ARHGAP33: variants seen among roughly 807,000 people sequenced by gnomAD.
ARHGAP33 encodes rho GTPase-activating protein 33.
Under a neutral mutation model 126.2 loss-of-function variants are expected in ARHGAP33, and 57 were observed. The observed-to-expected ratio is 0.45, with a 90% CI of 0.36 to 0.56. The LOEUF (loss-of-function observed/expected upper bound fraction) is 0.56, where lower values mean the gene tolerates loss of function less well. Among genes scored for constraint, ARHGAP33 ranks in the 20% least tolerant of loss-of-function variants. The pLI is 0.00. For synonymous variants in ARHGAP33, 711 were observed against 755.0 expected (o/e 0.94, Z 0.95); for missense variants, 1,500 against 1,748.3 (o/e 0.86, Z 2.53).
rs1972060042 is a variant in ARHGAP33 at position 35,785,393 on chromosome 19, T to C, written c.1868-16T>C. The C allele has an allele frequency of 6.2e-7, 1 of 1,613,936 alleles. No individual in the cohort carries two copies. Among genetic ancestry groups the C allele is most frequent in the Non-Finnish European group, 8.5e-7 (1 of 1,179,964 alleles). ...ATGGTCGCTGGAGTGCCCTCCTACCTCTCCCTCTCCTGCAGGCAGCAGACC... is the reference window on the plus strand; with the variant it reads ...ATGGTCGCTGGAGTGCCCTCCTACCCCTCCCTCTCCTGCAGGCAGCAGACC... On this transcript the variant is annotated splice_polypyrimidine_tract_variant and intron_variant, in intron 18 of 20. Transcript: ENST00000007510.
chr19:35,786,545 C>G lies in ARHGAP33; in HGVS notation c.2075C>G (p.Ser692Cys). The G allele has an allele frequency of 2.0e-6, 3 of 1,536,104 alleles. No individual in the cohort carries two copies. Among genetic ancestry groups the G allele is most frequent in the Non-Finnish European group, 1.7e-6 (2 of 1,146,826 alleles). The change falls in exon 20 of 21, where the codon TCC becomes TGC. Residue 692 changes from serine (S) to cysteine (C), a missense_variant. Ser to Cys is a moderately radical substitution (Grantham distance 112, BLOSUM62 -1). This residue lies in a region of ARHGAP33 where 300 missense variants were observed against 291.1 expected (regional missense o/e 1.03). Transcript: ENST00000007510. This position sits in a 1 kb window ranked among gnomAD's most constrained non-coding sequence, Gnocchi z 7.0. ...TCCGAGTCCTCCTCCTCTGAGTCCT[C>G]CTCTTCCTCCTCTGAGTCCTCAGCA... The part of the protein sequence containing the change: ...SSSESSSSES[S>C]SSSSESSAAG...
rs1337583343 is a variant in ARHGAP33, at chr19:35,788,287, C to A, written c.3722C>A (p.Ala1241Asp). The A allele has an allele frequency of 6.2e-7, 1 of 1,609,200 alleles. No homozygotes were observed. The highest frequency in any genetic ancestry group is 8.5e-7 in the Non-Finnish European group (1 of 1,178,668). The part of the protein sequence containing the change: ...PLLLYRAAPP[A>D]YGRGGELHRG... ...CTGCTCTACAGGGCAGCCCCGCCAG[C>A]CTACGGAAGGGGGGGCGAGCTCCAC... Residue 1241 changes from alanine (A) to aspartate (D), a missense_variant, in exon 21 of 21, where the codon GCC (alanine) becomes GAC (aspartate). This residue lies in a region of ARHGAP33 where 642 missense variants were observed against 634.0 expected (regional missense o/e 1.01). Coordinates refer to ENST00000007510, the MANE Select transcript of ARHGAP33 (RefSeq NM_001366178.1).
At position 35,786,982 on chromosome 19, in the gene ARHGAP33, C is replaced by A. The variant is rs1325874516; in HGVS notation, c.2512C>A (p.Pro838Thr). 1.2e-6 allele frequency: 2 copies of A among 1,610,652 alleles called. No homozygotes were observed. The highest frequency in any genetic ancestry group is 1.7e-6 in the Non-Finnish European group (2 of 1,179,094). ...CCGGAGCCTGCGCCCCCATCTCATA[C>A]CCCTGCTGCTGCGAGGAGCCGAGGC... Reference protein sequence around the residue: ...PGRSLRPHLIPLLLRGAEAPL... With the variant: ...PGRSLRPHLITLLLRGAEAPL... The change falls in exon 20 of 21, where the codon CCC (proline) becomes ACC (threonine). Residue 838 changes from proline to threonine, a missense_variant. Physicochemically the swap from Pro to Thr is conservative, Grantham distance 38 (BLOSUM62 -1). Around this residue, in one of 6 missense-constraint regions of ARHGAP33, gnomAD observed 642 missense variants for 634.0 expected, o/e 1.01. Coordinates refer to ENST00000007510, the MANE Select transcript of ARHGAP33 (RefSeq NM_001366178.1). The surrounding 1 kb of genome is among the most constrained non-coding windows in gnomAD (Gnocchi z 7.0).
intron 5 of ARHGAP33, 101 bp from the exon 6 acceptor site, chr19:35,778,931 C>A (rs1289303104): frequency 2.0e-6 from 2 of 992,114 alleles, no homozygotes; most frequent in Admixed American, 2.1e-5. Context: ...CCCATGTGTT[C>A]AGGATGAACT....
intron 1 of ARHGAP33, among the ~76,000 whole-genome samples, chr19:35,776,299 C>T (rs1175877567): frequency 6.6e-6 from 1 of 151,970 alleles, no homozygotes; most frequent in Non-Finnish European, 1.5e-5. Flanking sequence ...TCTCCTTGTC[C>T]TCATCCCCCT....
Position 35,788,312 on chromosome 19 carries a change from C to T in ARHGAP33, c.3747C>T (p.His1249=), listed in dbSNP as rs372314989. 3.0e-5 allele frequency: 49 copies of T among 1,608,910 alleles called. No homozygotes were observed. The highest frequency in any genetic ancestry group is 4.1e-5 in the Non-Finnish European group (48 of 1,178,574). The change falls in exon 21 of 21, where the codon CAC becomes CAT. Residue 1249 remains histidine, a synonymous_variant. Transcript: ENST00000007510. ...PPAYGRGGEL[H]RGSLYRNGGQ... is the part of the protein sequence containing the mutation. Reference sequence around the variant, plus strand: ...CCTACGGAAGGGGGGGCGAGCTCCACCGAGGGTCCTTGTACAGAAATGGAG... The same window carrying T: ...CCTACGGAAGGGGGGGCGAGCTCCATCGAGGGTCCTTGTACAGAAATGGAG...
In ARHGAP33 at chr19:35,782,583, G is replaced by T. The variant is rs1455754095; in HGVS notation, c.1231-14G>T. 4.3e-6 allele frequency: 7 copies of T among 1,613,728 alleles called. 1 individual carries two copies. The South Asian group carries it at 7.7e-5, about 18-fold the overall frequency. On this transcript the variant is annotated splice_polypyrimidine_tract_variant and intron_variant, in intron 13 of 20. Transcript: ENST00000007510. The surrounding 1 kb of genome is among the most constrained non-coding windows in gnomAD (Gnocchi z 4.1). ...CTCTGGCCCAGACCTCATCACACCT[G>T]CCCACCATCTCAGGAGGCCATGTCA...
In ARHGAP33 at chr19:35,784,268, G is replaced by A. The variant is rs753954597; in HGVS notation, c.1518G>A (p.Val506=). Residue 506 remains valine (V), a synonymous_variant, in exon 16 of 21, where the codon GTG becomes GTA. Transcript: ENST00000007510. ...SVVVEFLLTH[V]DVLFSDTFTS... is the part of the protein sequence containing the mutation. ...TGGTGGAGTTTCTGCTCACCCATGTGGACGTCCTGTTCAGCGACACCTTCA... is the reference window on the plus strand; with the variant it reads ...TGGTGGAGTTTCTGCTCACCCATGTAGACGTCCTGTTCAGCGACACCTTCA... 6.2e-7 allele frequency: 1 copy of A among 1,610,728 alleles called. No individual in the cohort carries two copies. The highest frequency in any genetic ancestry group is 1.3e-5 in the African/African-American group (1 of 74,678).
rs150394522 is a variant in ARHGAP33, at chr19:35,787,380, G to A, written c.2815G>A (p.Val939Met). Residue 939 changes from valine to methionine, a missense_variant, in exon 21 of 21, where the codon GTG becomes ATG. Physicochemically the swap from Val to Met is conservative, Grantham distance 21 (BLOSUM62 1). Around this residue, in one of 6 missense-constraint regions of ARHGAP33, gnomAD observed 642 missense variants for 634.0 expected, o/e 1.01. Coordinates refer to ENST00000007510, the MANE Select transcript of ARHGAP33 (RefSeq NM_001366178.1). ...SPFHRSLSLEVGGEPLGTSGS... is the reference protein window; with the variant it reads ...SPFHRSLSLEMGGEPLGTSGS... ...CTTCCACCGCTCGCTGTCTCTGGAGGTGGGCGGGGAGCCCCTGGGGACCTC... is the reference window on the plus strand; with the variant it reads ...CTTCCACCGCTCGCTGTCTCTGGAGATGGGCGGGGAGCCCCTGGGGACCTC... 1.8e-5 allele frequency: 29 copies of A among 1,609,856 alleles called. No individual in the cohort carries two copies. The African/African-American group carries it at 3.9e-4, about 21-fold the overall frequency.
intron 5 of ARHGAP33, 24 bp from the exon 6 acceptor site, chr19:35,779,008 C>T: frequency 1.9e-6 from 3 of 1,544,008 alleles, no homozygotes; most frequent in Non-Finnish European, 1.8e-6. Flanking sequence ...CTCACAGAGG[C>T]CCACTCTGAC....
Position 35,786,214 on chromosome 19 carries a change from G to A in ARHGAP33, c.1943-199G>A. 2 of 1,415,856 alleles carry A rather than the reference G, an allele frequency of 1.4e-6. No individual in the cohort carries two copies. The highest frequency in any genetic ancestry group is 1.8e-6 in the Non-Finnish European group (2 of 1,089,900). The allele number at this position is 1,415,856 out of a possible 1,614,324, so 87.7% of individuals were successfully genotyped here. A position where few individuals can be genotyped will look rare whatever the true frequency, so the allele number is the denominator to read the frequency against. ...TCTGTTGGTCTCGTGCTCACAGCCT[G>A]TGGGGCAGCCACAGGGCCTTCGTGC... On this transcript the variant is annotated intron_variant, in intron 19 of 20. Transcript: ENST00000007510. This position sits in a 1 kb window ranked among gnomAD's most constrained non-coding sequence, Gnocchi z 7.0.
chr19:35,782,261 A>G lies in ARHGAP33; in HGVS notation c.1086-112A>G, dbSNP rs1210722353. On this transcript the variant is annotated intron_variant, in intron 12 of 20. Transcript: ENST00000007510. The surrounding 1 kb of genome is among the most constrained non-coding windows in gnomAD (Gnocchi z 4.1). ...GAAGAGCCCAGTGTAGGACCTGGGGAAGAGGGTTCCATCCACCTGCGGGCA... is the reference window on the plus strand; with the variant it reads ...GAAGAGCCCAGTGTAGGACCTGGGGGAGAGGGTTCCATCCACCTGCGGGCA... 8.0e-7 allele frequency: 1 copy of G among 1,249,410 alleles called. No homozygotes were observed. The highest frequency in any genetic ancestry group is 1.5e-5 in the African/African-American group (1 of 67,428). The allele number at this position is 1,249,410 out of a possible 1,614,324, so 77.4% of individuals were successfully genotyped here.
Position 35,777,583 on chromosome 19 carries a change from C to T in ARHGAP33, c.7-62C>T, listed in dbSNP as rs952934285. On this transcript the variant is annotated intron_variant, in intron 1 of 20. Coordinates refer to ENST00000007510, the MANE Select transcript of ARHGAP33 (RefSeq NM_001366178.1). ...GCTCTGGACCCGCGCTGCCAGATAACAATGCTCTCGTTGTCTCTTTGCTCC... is the reference window on the plus strand; with the variant it reads ...GCTCTGGACCCGCGCTGCCAGATAATAATGCTCTCGTTGTCTCTTTGCTCC... 3.6e-6 allele frequency: 5 copies of T among 1,406,286 alleles called. No individual in the cohort carries two copies. The East Asian group carries it at 1.2e-4, about 35-fold the overall frequency. 87.1% of individuals were successfully genotyped at this position (1,406,286 alleles called of 1,614,324 possible).
At chr19:35,781,388 C>G in intron 12 of ARHGAP33, 136 bp downstream of exon 12, 1 of 831,626 alleles carries the variant, frequency 1.2e-6, no homozygotes, top group Non-Finnish European at 1.9e-6. Flanking sequence ...AGGGACAGCT[C>G]TCTTGAGAGT....
At position 35,786,460 on chromosome 19, in the gene ARHGAP33, G is replaced by A. The variant is rs1972114333; in HGVS notation, c.1990G>A (p.Ala664Thr). 26 of 1,535,658 alleles carry A rather than the reference G, an allele frequency of 1.7e-5. No homozygotes were observed. The highest frequency in any genetic ancestry group is 1.7e-5 in the Non-Finnish European group (20 of 1,146,724). ...GCGGCGACCCCACTCCAGCAGCGAC[G>A]CTTTCCCTGTGGGCCCAGCACCTGC... is the stretch of plus-strand genomic sequence containing the variant. ...RLRRPHSSSDAFPVGPAPAGS... is the reference protein window; with the variant it reads ...RLRRPHSSSDTFPVGPAPAGS... The change falls in exon 20 of 21, where the codon GCT (alanine) becomes ACT (threonine). Residue 664 changes from alanine (A) to threonine (T), a missense_variant. Around this residue, in one of 6 missense-constraint regions of ARHGAP33, gnomAD observed 300 missense variants for 291.1 expected, o/e 1.03. Coordinates refer to ENST00000007510, the MANE Select transcript of ARHGAP33 (RefSeq NM_001366178.1). The surrounding 1 kb of genome is among the most constrained non-coding windows in gnomAD (Gnocchi z 7.0).
In ARHGAP33 at chr19:35,777,755, G is replaced by A. The variant is rs770673568; in HGVS notation, c.104+13G>A. 1.9e-6 allele frequency: 3 copies of A among 1,613,524 alleles called. No homozygotes were observed. Among genetic ancestry groups the A allele is most frequent in the Non-Finnish European group, 2.5e-6 (3 of 1,179,628 alleles). On this transcript the variant is annotated intron_variant, in intron 2 of 20. Coordinates refer to ENST00000007510, the MANE Select transcript of ARHGAP33 (RefSeq NM_001366178.1). ...AGCCTGGGAAGAGGTGAGGGTGAGG[G>A]AGGAAAGGGCTCAGCTAGGAGCTGG...
At position 35,785,302 on chromosome 19, in the gene ARHGAP33, T is replaced by A; in HGVS notation, c.1835T>A (p.Leu612Gln). The change falls in exon 18 of 21, where the codon CTG becomes CAG. Residue 612 changes from leucine to glutamine, a missense_variant. Around this residue, in one of 6 missense-constraint regions of ARHGAP33, gnomAD observed 300 missense variants for 291.1 expected, o/e 1.03. Transcript: ENST00000007510. Reference protein sequence around the residue: ...SVPRKKPLPWLGGTRAPPQPS... With the variant: ...SVPRKKPLPWQGGTRAPPQPS... ...CCTCGAAAGAAGCCCCTGCCCTGGC[T>A]GGGGGGCACCCGTGCCCCACCGCAG... is the stretch of plus-strand genomic sequence containing the variant. 2.5e-6 allele frequency: 4 copies of A among 1,605,902 alleles called. No homozygotes were observed. The highest frequency in any genetic ancestry group is 3.4e-6 in the Non-Finnish European group (4 of 1,175,334).
rs1305824360 is a variant in ARHGAP33, at chr19:35,786,711, C to T, written c.2241C>T (p.Cys747=). ...ACTTTGATCCCTTAACCTTCCGCTG[C>T]AGCAGCCCCACCCCAGGGGATCCCG... is the stretch of plus-strand genomic sequence containing the variant. ...GLDFDPLTFR[C]SSPTPGDPAP... Residue 747 remains cysteine, a synonymous_variant, in exon 20 of 21, where the codon TGC becomes TGT. Transcript: ENST00000007510. The surrounding 1 kb of genome is among the most constrained non-coding windows in gnomAD (Gnocchi z 7.0). 2.0e-6 allele frequency: 3 copies of T among 1,534,422 alleles called. No individual in the cohort carries two copies. Among genetic ancestry groups the T allele is most frequent in the Non-Finnish European group, 2.6e-6 (3 of 1,146,090 alleles).
intron 15 of ARHGAP33, among the ~76,000 whole-genome samples, chr19:35,783,586 T>C (rs231222): frequency 0.48 from 72,974 of 151,868 alleles, 18,517 homozygotes; most frequent in East Asian, 0.75. Context: ...TTGGAGGAGC[T>C]GCAGGGAGGC....
Sources: allele counts gnomAD v4.1 joint callset (sites outside exome capture counted in the v4.1 genomes callset), GRCh38; gene constraint gnomAD v4.1.1; regional missense constraint gnomAD v4.1.1; non-coding constraint Gnocchi (gnomAD v3.1); transcripts MANE v1.5; gene names NCBI Gene and HGNC (gene_info 2026-07-23, HGNC 2026-07-21).